SLC8A1: variants seen among roughly 807,000 people sequenced by gnomAD.
The protein encoded by SLC8A1 is solute carrier family 8 member A1, also known as sodium/calcium exchanger 1.
A neutral mutation model predicts 68.3 loss-of-function variants in SLC8A1; 18 were observed. The ratio of observed to expected loss-of-function variants is 0.26; its 90% CI spans 0.18 to 0.39. The LOEUF is 0.39. SLC8A1 is among the 10% of genes least tolerant of loss of function. The probability of loss-of-function intolerance (pLI) is 1.00; values close to 1 mark genes in which losing one functional copy is unlikely to be tolerated. For synonymous variants in SLC8A1, 475 were observed against 415.5 expected (o/e 1.14, Z -1.74); for missense variants, 985 against 1,156.7 (o/e 0.85, Z 2.15).
Position 40,495,543 on chromosome 2 carries a change from G to A in SLC8A1, c.-25+16806C>T, listed in dbSNP as rs184251515. ...ATATCAGGGAAAAATGTGTGTAGGA[G>A]CAAGTCACAGATGTATCTGTTGGTG... On this transcript the variant is annotated intron_variant, in intron 1 of 7. Coordinates refer to the SLC8A1 transcript ENST00000402441. 2.0e-5 allele frequency among the ~76,000 whole-genome samples: 3 copies of A among 152,140 alleles called. No homozygotes were observed. The East Asian group carries it at 5.8e-4, about 30-fold the overall frequency.
chr2:40,130,215 G>A (rs908763578), intron 7 of SLC8A1, among the ~76,000 whole-genome samples: 5 of 152,308 alleles, frequency 3.3e-5, no homozygotes, highest in South Asian at 4.1e-4. Flanking sequence ...TCTTTGGGTC[G>A]GCTGCATGCG....
At chr2:40,435,730 G>A (rs1383891318) in intron 1 of SLC8A1, among the ~76,000 whole-genome samples, 1 of 152,070 alleles carries the variant, frequency 6.6e-6, no homozygotes, top group Admixed American at 6.6e-5. Context: ...GAGATGCACT[G>A]TTGGCCCTTT....
chr2:40,424,265 C>CT lies in SLC8A1; in HGVS notation c.1808+4207dup, dbSNP rs1479558146. ...AATTTTCTTAATATCTTCATTTCAC[C>CT]TTGTTTACATCTGGCTGTCTTATTG... On this transcript the variant is annotated intron_variant, in intron 2 of 7. Transcript: ENST00000406785. Among the ~76,000 whole-genome samples the CT allele has an allele frequency of 4.0e-5, 6 of 151,824 alleles. No homozygotes were observed. The East Asian group carries it at 1.2e-3, about 29-fold the overall frequency.
At chr2:40,265,301 G>C (rs1367908212) in intron 2 of SLC8A1, among the ~76,000 whole-genome samples, 1 of 152,138 alleles carries the variant, frequency 6.6e-6, no homozygotes, top group African/African-American at 2.4e-5. Context: ...AAACTATTAA[G>C]ATCTAGCATT....
At chr2:40,508,927 T>C (rs1706532007) in intron 1 of SLC8A1, among the ~76,000 whole-genome samples, 1 of 152,110 alleles carries the variant, frequency 6.6e-6, no homozygotes, top group Admixed American at 6.6e-5. Flanking sequence ...TCCTCAGGGG[T>C]ACAATGTGGG....
chr2:40,211,082 T>G (rs553243669), intron 2 of SLC8A1, among the ~76,000 whole-genome samples: 5 of 152,280 alleles, frequency 3.3e-5, no homozygotes, highest in Admixed American at 6.5e-5. Flanking sequence ...TTATGTCAAG[T>G]TCAGTGATAA....
intron 2 of SLC8A1, among the ~76,000 whole-genome samples, chr2:40,357,652 G>A (rs1161234399): frequency 6.6e-6 from 1 of 152,030 alleles, no homozygotes. Context: ...TAACAAACCT[G>A]CACGTTCTGC....
chr2:40,232,424 A>G (rs74898014), intron 2 of SLC8A1, among the ~76,000 whole-genome samples: 1 of 150,228 alleles, frequency 6.7e-6, no homozygotes, highest in East Asian at 2.0e-4. Context: ...TTTTTTTTCA[A>G]GGGATAGCAA....
At chr2:40,106,483 CAACT>C (rs962931995) in exon 8 of SLC8A1, 4 of 150,730 alleles carry the variant, frequency 2.7e-5, no homozygotes, top group African/African-American at 9.8e-5. Flanking sequence ...AAAAAAAAAA[CAACT>C]AAATCTATGC....
intron 3 of SLC8A1, 105 bp from the exon 4 acceptor site, chr2:40,175,386 T>G: frequency 1.8e-6 from 2 of 1,130,930 alleles, no homozygotes; most frequent in Non-Finnish European, 2.6e-6. Flanking sequence ...CTGATTACAG[T>G]GGTAGGGAGC....
intron 2 of SLC8A1, among the ~76,000 whole-genome samples, chr2:40,355,945 C>T (rs1210476367): frequency 6.6e-6 from 1 of 152,192 alleles, no homozygotes; most frequent in Non-Finnish European, 1.5e-5. Context: ...CCCTTGGCCC[C>T]TTCAGGCACA....
intron 2 of SLC8A1, among the ~76,000 whole-genome samples, chr2:40,191,730 T>C (rs1230870470): frequency 6.6e-6 from 1 of 152,186 alleles, no homozygotes; most frequent in Non-Finnish European, 1.5e-5. Flanking sequence ...TGCCCATTGA[T>C]TGTAGACGAA....
At chr2:40,435,939 G>T (rs1432121717) in intron 1 of SLC8A1, among the ~76,000 whole-genome samples, 1 of 145,214 alleles carries the variant, frequency 6.9e-6, no homozygotes, top group Non-Finnish European at 1.5e-5. Context: ...ACCATGCTCG[G>T]CTATTTTTTT....
intron 1 of SLC8A1, among the ~76,000 whole-genome samples, chr2:40,497,416 G>T (rs1001283588): frequency 1.3e-5 from 2 of 151,970 alleles, no homozygotes; most frequent in Non-Finnish European, 2.9e-5. Flanking sequence ...TGAGGAGATA[G>T]AAAAATACAT....
chr2:40,316,644 A>G lies in SLC8A1; in HGVS notation c.1808+111829T>C, dbSNP rs576584831. ...ACTGCCCTCCTGCAGATTTTGCCTG[A>G]TAGTATTTTCATACAAACCTCATCA... On this transcript the variant is annotated intron_variant, in intron 2 of 7. Transcript: ENST00000406785. 2.6e-5 allele frequency among the ~76,000 whole-genome samples: 4 copies of G among 152,130 alleles called. 1 individual carries two copies. In the South Asian group the frequency reaches 8.3e-4, roughly 32 times the overall value.
chr2:40,335,981 G>C (rs765818779), intron 2 of SLC8A1, among the ~76,000 whole-genome samples: 4 of 152,218 alleles, frequency 2.6e-5, no homozygotes, highest in East Asian at 1.9e-4. Context: ...AGTCCATGAA[G>C]TGGGTAATGC....
intron 2 of SLC8A1, among the ~76,000 whole-genome samples, chr2:40,377,753 C>A (rs934849642): frequency 6.6e-6 from 1 of 152,074 alleles, no homozygotes; most frequent in African/African-American, 2.4e-5. Context: ...TAGTCTTCTC[C>A]TGCCTCTCCA....
At chr2:40,482,940 G>A (rs1463034488) in intron 1 of SLC8A1, among the ~76,000 whole-genome samples, 5 of 148,480 alleles carry the variant, frequency 3.4e-5, no homozygotes, top group South Asian at 2.1e-4. Flanking sequence ...ACAGGCGCCC[G>A]CCACCACGCC....
chr2:40,316,771 A>G (rs1357746773), intron 2 of SLC8A1, among the ~76,000 whole-genome samples: 1 of 151,756 alleles, frequency 6.6e-6, no homozygotes, highest in Non-Finnish European at 1.5e-5. Flanking sequence ...CCCTCCCCCA[A>G]TTTGTGTTTT....
Sources: gnomAD v4.1 joint callset for allele counts (sites outside exome capture counted in the v4.1 genomes callset) on GRCh38, gnomAD v4.1.1 for gene constraint, MANE v1.5 for transcripts, NCBI Gene and HGNC (gene_info 2026-07-23, HGNC 2026-07-21) for gene names.